The following CDH4 variants were observed in gnomAD, a reference collection of about 807,000 sequenced individuals.
The protein encoded by CDH4 is cadherin 4.
CDH4 carries 33 observed loss-of-function variants against 86.0 expected under a neutral mutation model. The observed-to-expected ratio is 0.38, with a 90% CI of 0.29 to 0.51. The LOEUF (loss-of-function observed/expected upper bound fraction) is 0.51, where lower values mean the gene tolerates loss of function less well. Among genes scored for constraint, CDH4 ranks in the 20% least tolerant of loss-of-function variants. CDH4 has a pLI of 0.86. For synonymous variants in CDH4, 555 were observed against 549.4 expected (o/e 1.01, Z -0.14); for missense variants, 1,114 against 1,307.4 (o/e 0.85, Z 2.28).
chr20:61,928,100 GGTT>G (rs1463015941), intron 11 of CDH4, 87 bp from the exon 12 acceptor site: 5 of 964,072 alleles, frequency 5.2e-6, no homozygotes, highest in Non-Finnish European at 6.6e-6. Context: ...TGTTGCACGT[GGTT>G]GTTTGTGTGC....
chr20:61,357,972 G>A (rs2084761267), intron 2 of CDH4, among the ~76,000 whole-genome samples: 1 of 152,166 alleles, frequency 6.6e-6, no homozygotes, highest in South Asian at 2.1e-4. Context: ...GGGCGTGGCG[G>A]GGAGAACGAT....
rs558116692 is a variant in CDH4, at chr20:61,325,980, G to A, written c.169+71043G>A. ...CGCTCTCCCTGATGGTGGCGGTACC[G>A]GTTCAAACCCATCAGGAAGTGAGGA... On this transcript the variant is annotated intron_variant, in intron 2 of 15. Transcript: ENST00000614565. 1.6e-4 allele frequency among the ~76,000 whole-genome samples: 24 copies of A among 152,310 alleles called. No individual in the cohort carries two copies. The East Asian group carries it at 2.3e-3, about 15-fold the overall frequency.
At chr20:61,596,513 G>A (rs542571094) in intron 2 of CDH4, among the ~76,000 whole-genome samples, 79 of 152,296 alleles carry the variant, frequency 5.2e-4, no homozygotes, top group African/African-American at 1.8e-3. Flanking sequence ...GGCCATGAGT[G>A]GTGCTCATCC....
intron 2 of CDH4, among the ~76,000 whole-genome samples, chr20:61,449,421 G>A (rs983159637): frequency 2.0e-5 from 3 of 152,196 alleles, no homozygotes; most frequent in Non-Finnish European, 4.4e-5. Context: ...CACTCCCTGA[G>A]TCACTCCGCT....
intron 2 of CDH4, among the ~76,000 whole-genome samples, chr20:61,461,558 T>A (rs963201241): frequency 6.6e-6 from 1 of 152,000 alleles, no homozygotes; most frequent in Non-Finnish European, 1.5e-5. Context: ...TACTCCTGAG[T>A]CCAGGCACGG....
intron 4 of CDH4, among the ~76,000 whole-genome samples, chr20:61,791,954 G>A (rs1467619878): frequency 2.0e-5 from 3 of 152,186 alleles, no homozygotes; most frequent in Non-Finnish European, 4.4e-5. Context: ...CCAGTAGGAG[G>A]TTGGGTGTAG....
chr20:61,741,100 T>C (rs1337505563), intron 2 of CDH4, among the ~76,000 whole-genome samples: 1 of 152,138 alleles, frequency 6.6e-6, no homozygotes, highest in East Asian at 1.9e-4. Context: ...TCCCAGCTAC[T>C]TGGGAGGCTG....
In CDH4 at chr20:61,856,612, G is replaced by T. The variant is rs1025046778; in HGVS notation, c.877+3714G>T. ...GCCCCCTAGAATCCATGAGGGTCCTGTGTGTACCCCCACATTCTTCCCCAG... is the reference window on the plus strand; with the variant it reads ...GCCCCCTAGAATCCATGAGGGTCCTTTGTGTACCCCCACATTCTTCCCCAG... On this transcript the variant is annotated intron_variant, in intron 6 of 15. Coordinates refer to ENST00000614565, the MANE Select transcript of CDH4 (RefSeq NM_001794.5). Among the ~76,000 whole-genome samples the T allele has an allele frequency of 7.9e-5, 9 of 113,278 alleles. No homozygotes were observed. In the East Asian group the frequency reaches 3.0e-3, roughly 37 times the overall value. 74.3% of individuals were successfully genotyped at this position (113,278 alleles called of 152,430 possible). A position where few individuals can be genotyped will look rare whatever the true frequency, so the allele number is the denominator to read the frequency against.
chr20:61,342,551 G>A (rs1425122336), intron 2 of CDH4, among the ~76,000 whole-genome samples: 3 of 152,214 alleles, frequency 2.0e-5, no homozygotes, highest in Non-Finnish European at 4.4e-5. Context: ...GAGAATGTGA[G>A]CCAGGGGGAG....
At chr20:61,363,885 G>T (rs1030274564) in intron 2 of CDH4, among the ~76,000 whole-genome samples, 1 of 152,186 alleles carries the variant, frequency 6.6e-6, no homozygotes, top group African/African-American at 2.4e-5. Flanking sequence ...ATGTGAAAGT[G>T]GTAACAGTAG....
At chr20:61,869,933 G>A (rs1415166530) in intron 6 of CDH4, among the ~76,000 whole-genome samples, 1 of 152,250 alleles carries the variant, frequency 6.6e-6, no homozygotes, top group East Asian at 1.9e-4. Context: ...ATGATGTCGT[G>A]AGGTTATCTG....
intron 2 of CDH4, among the ~76,000 whole-genome samples, chr20:61,626,225 G>A (rs2086828829): frequency 6.6e-6 from 1 of 152,204 alleles, no homozygotes; most frequent in African/African-American, 2.4e-5. Context: ...GGGAACGGCG[G>A]AGCAGGCCAA....
At chr20:61,589,064 T>C (rs541994040) in intron 2 of CDH4, among the ~76,000 whole-genome samples, 13 of 152,356 alleles carry the variant, frequency 8.5e-5, no homozygotes, top group African/African-American at 3.1e-4. Flanking sequence ...TGGAGCGTGA[T>C]TTCAGGCCAC....
intron 2 of CDH4, among the ~76,000 whole-genome samples, chr20:61,380,154 G>A (rs1229872263): frequency 6.6e-6 from 1 of 152,174 alleles, no homozygotes; most frequent in Non-Finnish European, 1.5e-5. Flanking sequence ...TTTAGGGGGA[G>A]ACTGCTCGAT....
chr20:61,663,784 G>A lies in CDH4; in HGVS notation c.170-79779G>A, dbSNP rs1226515660. 6.6e-6 allele frequency among the ~76,000 whole-genome samples: 1 copy of A among 152,144 alleles called. No homozygotes were observed. Among genetic ancestry groups the A allele is most frequent in the African/African-American group, 2.4e-5 (1 of 41,430 alleles). On this transcript the variant is annotated intron_variant, in intron 2 of 15. Transcript: ENST00000614565. The surrounding 1 kb of genome is among the most constrained non-coding windows in gnomAD (Gnocchi z 5.0). The stretch of plus-strand genomic sequence containing the variant: ...ATCAGGAGCTCCCGGTGTCCAGGCT[G>A]CACAATGTGGGCACCACTGAACACG...
At chr20:61,457,041 C>T (rs541719320) in intron 2 of CDH4, among the ~76,000 whole-genome samples, 15 of 152,220 alleles carry the variant, frequency 9.9e-5, no homozygotes, top group South Asian at 2.1e-4. Flanking sequence ...CCTTTCAGAG[C>T]GTGAATTTTC....
intron 2 of CDH4, among the ~76,000 whole-genome samples, chr20:61,533,343 G>A (rs940785440): frequency 1.4e-4 from 22 of 152,190 alleles, no homozygotes; most frequent in Non-Finnish European, 2.6e-4. Flanking sequence ...CGCCAACTCC[G>A]AGCCTGCAGG....
intron 2 of CDH4, among the ~76,000 whole-genome samples, chr20:61,354,564 G>A (rs1314184873): frequency 2.6e-5 from 4 of 152,200 alleles, no homozygotes; most frequent in Non-Finnish European, 4.4e-5. Context: ...AGACTTCCAG[G>A]CTTTCCCTTG....
chr20:61,646,143 G>T (rs568893956), intron 2 of CDH4, among the ~76,000 whole-genome samples: 55 of 152,240 alleles, frequency 3.6e-4, no homozygotes, highest in African/African-American at 1.2e-3. Context: ...CAGCTCAGAG[G>T]ACCGAGCATG....
Sources: gnomAD v4.1 joint callset for allele counts (sites outside exome capture counted in the v4.1 genomes callset) on GRCh38, gnomAD v4.1.1 for gene constraint, Gnocchi (gnomAD v3.1) non-coding constraint, MANE v1.5 for transcripts, NCBI Gene and HGNC (gene_info 2026-07-23, HGNC 2026-07-21) for gene names.